Variants in NET1 observed in about 807,000 individuals in gnomAD.
The protein encoded by NET1 is neuroepithelial cell transforming 1.
A neutral mutation model predicts 61.1 loss-of-function variants in NET1; 42 were observed. The ratio of observed to expected loss-of-function variants is 0.69; its 90% CI spans 0.54 to 0.89. The LOEUF is 0.89. Ranked by LOEUF, NET1 falls within the 40% of genes least tolerant of loss-of-function variation. The pLI, the probability that NET1 is intolerant of heterozygous loss-of-function variation, is 0.00. For synonymous variants in NET1, 254 were observed against 281.8 expected (o/e 0.90, Z 0.99); for missense variants, 654 against 747.3 (o/e 0.88, Z 1.46).
chr10:5,429,899 G>A (rs1251941866), intron 3 of NET1, among the ~76,000 whole-genome samples: 1 of 151,990 alleles, frequency 6.6e-6, no homozygotes, highest in Non-Finnish European at 1.5e-5. Flanking sequence ...TAAAAGAGTT[G>A]TACATTTTTA....
chr10:5,438,163 A>G (rs1211698094), intron 3 of NET1, among the ~76,000 whole-genome samples: 1 of 152,224 alleles, frequency 6.6e-6, no homozygotes, highest in Non-Finnish European at 1.5e-5. Flanking sequence ...ATCTCAAATC[A>G]GTACCCCAAC....
Position 5,456,973 on chromosome 10 carries a change from A to G in NET1, c.1770A>G (p.Lys590=). The G allele has an allele frequency of 6.4e-7, 1 of 1,564,596 alleles. No homozygotes were observed. The highest frequency in any genetic ancestry group is 8.7e-7 in the Non-Finnish European group (1 of 1,154,822). ...GGGACAAAGCCCTTTCTGGTGGCAA[A>G]CGGAAAGAGACTTTGGTGTAGAGAA... ...RARDKALSGG[K]RKETLV is the part of the protein sequence containing the mutation. Residue 590 remains lysine, a synonymous_variant, in exon 12 of 12, where the codon AAA becomes AAG. Transcript: ENST00000355029. The surrounding 1 kb of genome is among the most constrained non-coding windows in gnomAD (Gnocchi z 7.0).
chr10:5,443,482 A>T lies in NET1; in HGVS notation c.256-8348A>T, dbSNP rs1832557085. Among the ~76,000 whole-genome samples the T allele has an allele frequency of 6.6e-6, 1 of 152,218 alleles. No homozygotes were observed. ...TCACCACCACCCATTAAGTTTCCTT[A>T]TGAGAAAACTGAAGAGGATGGGTGA... On this transcript the variant is annotated intron_variant, in intron 3 of 11. Coordinates refer to ENST00000355029, the MANE Select transcript of NET1 (RefSeq NM_001047160.3). This position sits in a 1 kb window ranked among gnomAD's most constrained non-coding sequence, Gnocchi z 4.8.
intron 3 of NET1, among the ~76,000 whole-genome samples, chr10:5,438,333 A>G (rs1588432446): frequency 6.6e-6 from 1 of 152,238 alleles, no homozygotes; most frequent in East Asian, 1.9e-4. Context: ...AACAAAATTA[A>G]CAAACCTTTA....
rs374779623 is a variant in NET1, at chr10:5,414,280, AT to A, written c.128+1461del. Among the ~76,000 whole-genome samples, 31 of 152,312 alleles carry A rather than the reference AT, an allele frequency of 2.0e-4. 1 individual carries two copies. In the South Asian group the frequency reaches 5.6e-3, roughly 27 times the overall value. Reference sequence around the variant, plus strand: ...TATGCCTTGACAGAGTTTGGGTTTTATCTTCATGGTAATGGGGAAATACTGA... The same window carrying A: ...TATGCCTTGACAGAGTTTGGGTTTTACTTCATGGTAATGGGGAAATACTGA... On this transcript the variant is annotated intron_variant, in intron 1 of 11. Coordinates refer to ENST00000355029, the MANE Select transcript of NET1 (RefSeq NM_001047160.3).
Position 5,446,768 on chromosome 10 carries a change from G to A in NET1, c.256-5062G>A. The stretch of plus-strand genomic sequence containing the variant: ...GTTTGAGGGAGTACTTGGGAAGCAT[G>A]GTGGCACATGATGAGACTGGAGGTC... On this transcript the variant is annotated intron_variant, in intron 3 of 11. Coordinates refer to ENST00000355029, the MANE Select transcript of NET1 (RefSeq NM_001047160.3). The surrounding 1 kb of genome is among the most constrained non-coding windows in gnomAD (Gnocchi z 5.0). 6.2e-7 allele frequency: 1 copy of A among 1,602,268 alleles called. No individual in the cohort carries two copies. The highest frequency in any genetic ancestry group is 8.5e-7 in the Non-Finnish European group (1 of 1,173,080).
Position 5,456,882 on chromosome 10 carries a change from T to G in NET1, c.1679T>G (p.Met560Arg), listed in dbSNP as rs1832811493. ...DENAYRCGSG[M>R]QMAEDSKSLK... ...AACGCTTACAGATGTGGCTCTGGCATGCAGATGGCAGAGGACAGCAAGAGC... is the reference window on the plus strand; with the variant it reads ...AACGCTTACAGATGTGGCTCTGGCAGGCAGATGGCAGAGGACAGCAAGAGC... Residue 560 changes from methionine (M) to arginine (R), a missense_variant, in exon 12 of 12, where the codon ATG (methionine) becomes AGG (arginine). Met to Arg is a moderately conservative substitution (Grantham distance 91). Transcript: ENST00000355029. This position sits in a 1 kb window ranked among gnomAD's most constrained non-coding sequence, Gnocchi z 7.0. 1 of 1,614,098 alleles carries G rather than the reference T, an allele frequency of 6.2e-7. No homozygotes were observed. The highest frequency in any genetic ancestry group is 8.5e-7 in the Non-Finnish European group (1 of 1,180,002).
chr10:5,453,363 A>G lies in NET1; in HGVS notation c.691+17A>G, dbSNP rs759015408. 6.3e-7 allele frequency: 1 copy of G among 1,584,820 alleles called. No individual in the cohort carries two copies. The highest frequency in any genetic ancestry group is 8.7e-7 in the Non-Finnish European group (1 of 1,153,336). Reference sequence around the variant, plus strand: ...TGCATGAAGGTTAGATGTGCCACTTAATTGTCATTAAATCTAAAGAGCAGC... The same window carrying G: ...TGCATGAAGGTTAGATGTGCCACTTGATTGTCATTAAATCTAAAGAGCAGC... On this transcript the variant is annotated intron_variant, in intron 7 of 11. Transcript: ENST00000355029. The surrounding 1 kb of genome is among the most constrained non-coding windows in gnomAD (Gnocchi z 4.9).
intron 1 of NET1, among the ~76,000 whole-genome samples, chr10:5,413,219 C>G (rs1832031436): frequency 1.3e-5 from 2 of 152,256 alleles, no homozygotes; most frequent in South Asian, 4.2e-4. Flanking sequence ...TTAGGAAAAA[C>G]CACAATGGTT....
Position 5,451,852 on chromosome 10 carries a change from G to C in NET1, c.278G>C (p.Arg93Pro). Residue 93 changes from arginine (R) to proline (P), a missense_variant, in exon 4 of 12, where the codon CGA becomes CCA. By Grantham distance (103) the Arg-to-Pro change is moderately radical. Coordinates refer to ENST00000355029, the MANE Select transcript of NET1 (RefSeq NM_001047160.3). The surrounding 1 kb of genome is among the most constrained non-coding windows in gnomAD (Gnocchi z 6.1). ...DLKEPSNKRV[R>P]PLARVTSLAN... is the part of the protein sequence containing the mutation. Reference sequence around the variant, plus strand: ...TAGGAGCCAAGCAATAAAAGAGTTCGACCTCTGGCTCGTGTCACGTCCTTG... The same window carrying C: ...TAGGAGCCAAGCAATAAAAGAGTTCCACCTCTGGCTCGTGTCACGTCCTTG... 2 of 1,613,532 alleles carry C rather than the reference G, an allele frequency of 1.2e-6. No individual in the cohort carries two copies. The highest frequency in any genetic ancestry group is 1.7e-6 in the Non-Finnish European group (2 of 1,179,674).
In NET1 at chr10:5,421,541, A is replaced by C. The variant is rs1423271419; in HGVS notation, c.129-5114A>C. Among the ~76,000 whole-genome samples the C allele has an allele frequency of 6.6e-6, 1 of 152,162 alleles. No homozygotes were observed. The highest frequency in any genetic ancestry group is 2.4e-5 in the African/African-American group (1 of 41,434). On this transcript the variant is annotated intron_variant, in intron 1 of 11. Coordinates refer to ENST00000355029, the MANE Select transcript of NET1 (RefSeq NM_001047160.3). The surrounding 1 kb of genome is among the most constrained non-coding windows in gnomAD (Gnocchi z 4.2). ...TTAAATCAATTCTTGACAACCCAGG[A>C]TCTTTATTATTAGTAGTAGTAGTTG...
At position 5,452,404 on chromosome 10, in the gene NET1, A is replaced by G. The variant is rs149871083; in HGVS notation, c.410A>G (p.Lys137Arg). ...GDHRSPASAQ[K>R]FSSRSTVPTP... ...CACAGATCCCCAGCCTCTGCCCAGA[A>G]GTTTTCTAGCAGGTCAACAGTCCCA... Residue 137 changes from lysine to arginine, a missense_variant, in exon 5 of 12, where the codon AAG (lysine) becomes AGG (arginine). Lys to Arg is a conservative substitution (Grantham distance 26). Transcript: ENST00000355029. This position sits in a 1 kb window ranked among gnomAD's most constrained non-coding sequence, Gnocchi z 4.0. The G allele has an allele frequency of 3.1e-6, 5 of 1,614,054 alleles. No individual in the cohort carries two copies. The highest frequency in any genetic ancestry group is 4.2e-6 in the Non-Finnish European group (5 of 1,179,944).
intron 3 of NET1, among the ~76,000 whole-genome samples, chr10:5,448,206 T>A (rs542672264): frequency 6.6e-6 from 1 of 152,220 alleles, no homozygotes; most frequent in Admixed American, 6.5e-5. Context: ...TGTCTTGATA[T>A]GATTGGTTAT....
At chr10:5,429,258 G>T in intron 3 of NET1, 29 bp downstream of exon 3, 1 of 1,501,460 alleles carries the variant, frequency 6.7e-7, no homozygotes, top group Non-Finnish European at 9.2e-7. Flanking sequence ...TTAAAGAAAA[G>T]CATTTAAAAA....
intron 3 of NET1, among the ~76,000 whole-genome samples, chr10:5,436,206 G>A (rs2119190135): frequency 1.1e-5 from 1 of 91,208 alleles, no homozygotes; most frequent in Non-Finnish European, 2.1e-5. Flanking sequence ...GTGTGTGTGT[G>A]TGTGTGTGTG....
At position 5,426,527 on chromosome 10, in the gene NET1, G is replaced by C; in HGVS notation, c.129-128G>C. 3 of 625,068 alleles carry C rather than the reference G, an allele frequency of 4.8e-6. No homozygotes were observed. Among genetic ancestry groups the C allele is most frequent in the Non-Finnish European group, 8.3e-6 (3 of 360,634 alleles). 38.7% of individuals were successfully genotyped at this position (625,068 alleles called of 1,614,324 possible). A position where few individuals can be genotyped will look rare whatever the true frequency, so the allele number is the denominator to read the frequency against. Reference sequence around the variant, plus strand: ...TATAGACCATCTCTCATATTACTAAGATTGAATGACAAATCAGGCCACTTT... The same window carrying C: ...TATAGACCATCTCTCATATTACTAACATTGAATGACAAATCAGGCCACTTT... On this transcript the variant is annotated intron_variant, in intron 1 of 11. Transcript: ENST00000355029. The surrounding 1 kb of genome is among the most constrained non-coding windows in gnomAD (Gnocchi z 4.6).
intron 3 of NET1, among the ~76,000 whole-genome samples, chr10:5,430,875 C>T (rs1429827799): frequency 7.3e-6 from 1 of 137,680 alleles, no homozygotes; most frequent in African/African-American, 2.7e-5. Flanking sequence ...AACTATATCT[C>T]TTTTTTTTTT....
In NET1 at chr10:5,416,076, G is replaced by A. The variant is rs1294037022; in HGVS notation, c.128+3256G>A. 6.6e-6 allele frequency among the ~76,000 whole-genome samples: 1 copy of A among 152,142 alleles called. No homozygotes were observed. The highest frequency in any genetic ancestry group is 1.5e-5 in the Non-Finnish European group (1 of 68,008). ...TTTTGAGTTAGTTTTTGTATATAAT[G>A]TGAGATGACGGTCCAACTTAATTCT... is the stretch of plus-strand genomic sequence containing the variant. On this transcript the variant is annotated intron_variant, in intron 1 of 11. Coordinates refer to ENST00000355029, the MANE Select transcript of NET1 (RefSeq NM_001047160.3). This position sits in a 1 kb window ranked among gnomAD's most constrained non-coding sequence, Gnocchi z 6.1.
chr10:5,430,864 TA>T (rs1442242512), intron 3 of NET1, among the ~76,000 whole-genome samples: 1 of 135,236 alleles, frequency 7.4e-6, no homozygotes, highest in African/African-American at 2.9e-5. Context: ...ACATTATGAT[TA>T]ACTATATCTC....
Sources: gnomAD v4.1 joint callset for allele counts (sites outside exome capture counted in the v4.1 genomes callset) on GRCh38, gnomAD v4.1.1 for gene constraint, Gnocchi (gnomAD v3.1) non-coding constraint, MANE v1.5 for transcripts, NCBI Gene and HGNC (gene_info 2026-07-23, HGNC 2026-07-21) for gene names.